The following NDUFA5 variants were observed in gnomAD, a reference collection of about 807,000 sequenced individuals.
The protein encoded by NDUFA5 is NADH dehydrogenase [ubiquinone] 1 alpha subcomplex subunit 5.
Under a neutral mutation model 19.8 loss-of-function variants are expected in NDUFA5, and 11 were observed. That is an observed-to-expected ratio of 0.56 (90% CI 0.35 to 0.92). The LOEUF is 0.92. Ranked by LOEUF, NDUFA5 falls within the 40% of genes least tolerant of loss-of-function variation. NDUFA5 has a pLI of 0.01. For synonymous variants in NDUFA5, 47 were observed against 46.8 expected (o/e 1.00, Z -0.01); for missense variants, 109 against 134.2 (o/e 0.81, Z 0.93).
chr7:123,566,383 A>G, the NDUFA5 span, among the ~76,000 whole-genome samples: 4 of 152,192 alleles, frequency 2.6e-5, no homozygotes, highest in Admixed American at 2.6e-4. Context: ...TCTGTTGGTT[A>G]AGCCACTCAA....
upstream of NDUFA5, among the ~76,000 whole-genome samples, chr7:123,562,090 C>T (rs945977446): frequency 1.3e-5 from 2 of 152,130 alleles, no homozygotes; most frequent in Admixed American, 1.3e-4. Context: ...ATGACTGCAG[C>T]ATGTTGTGCG....
At chr7:123,571,541 T>C in the NDUFA5 span, among the ~76,000 whole-genome samples, 1 of 152,326 alleles carries the variant, frequency 6.6e-6, no homozygotes, top group Non-Finnish European at 1.5e-5. Context: ...TATCTTTTTA[T>C]TTGTAGATAA....
chr7:123,578,581 TA>T, the NDUFA5 span, among the ~76,000 whole-genome samples: 1 of 152,012 alleles, frequency 6.6e-6, no homozygotes, highest in Non-Finnish European at 1.5e-5. Flanking sequence ...ACCAGACTGA[TA>T]TTTTTCCTTA....
chr7:123,547,312 A>G (rs1365041261), intron 3 of NDUFA5, among the ~76,000 whole-genome samples: 1 of 152,068 alleles, frequency 6.6e-6, no homozygotes, highest in Non-Finnish European at 1.5e-5. Flanking sequence ...TATCCCCACC[A>G]TGGCACACAT....
At chr7:123,565,229 C>G in the NDUFA5 span, among the ~76,000 whole-genome samples, 2 of 152,196 alleles carry the variant, frequency 1.3e-5, no homozygotes, top group African/African-American at 4.8e-5. Flanking sequence ...TCTTCTGTCT[C>G]TTTGTTCAAG....
chr7:123,596,745 A>G, the NDUFA5 span, among the ~76,000 whole-genome samples: 1 of 152,224 alleles, frequency 6.6e-6, no homozygotes, highest in African/African-American at 2.4e-5. Flanking sequence ...GCTTTTTACA[A>G]TCAAATATTA....
the NDUFA5 span, among the ~76,000 whole-genome samples, chr7:123,580,143 T>C: frequency 6.6e-6 from 1 of 151,952 alleles, no homozygotes; most frequent in Non-Finnish European, 1.5e-5. Flanking sequence ...GGATTTCTAC[T>C]GAAGGAAATG....
At chr7:123,584,805 C>T in the NDUFA5 span, 5 of 151,834 alleles carry the variant, frequency 3.3e-5, no homozygotes, top group African/African-American at 4.8e-5. Context: ...TTCAGTAAAA[C>T]TATGAAACTT....
At chr7:123,571,517 T>C in the NDUFA5 span, among the ~76,000 whole-genome samples, 1 of 152,178 alleles carries the variant, frequency 6.6e-6, no homozygotes, top group Non-Finnish European at 1.5e-5. Flanking sequence ...GAAAATATGA[T>C]TTTTAATCCA....
chr7:123,586,189 C>T, the NDUFA5 span, among the ~76,000 whole-genome samples: 2 of 151,808 alleles, frequency 1.3e-5, no homozygotes, highest in Admixed American at 6.6e-5. Flanking sequence ...ATTTACTTTC[C>T]TACCAAGAGT....
At chr7:123,555,254 GA>G (rs377512690) in intron 2 of NDUFA5, 2 of 152,320 alleles carry the variant, frequency 1.3e-5, no homozygotes, top group African/African-American at 4.8e-5. Flanking sequence ...CATATGATTA[GA>G]TTAGGAAAAT....
At chr7:123,572,581 A>G in the NDUFA5 span, among the ~76,000 whole-genome samples, 1 of 151,526 alleles carries the variant, frequency 6.6e-6, no homozygotes, top group Non-Finnish European at 1.5e-5. Context: ...TGTTCCTTAT[A>G]TTGTTATAAT....
chr7:123,600,815 C>T, the NDUFA5 span, among the ~76,000 whole-genome samples: 1 of 152,052 alleles, frequency 6.6e-6, no homozygotes, highest in Non-Finnish European at 1.5e-5. Context: ...CTACAATCCA[C>T]GTATTTATAT....
At chr7:123,595,082 A>C in the NDUFA5 span, among the ~76,000 whole-genome samples, 34 of 152,312 alleles carry the variant, frequency 2.2e-4, no homozygotes, top group South Asian at 6.8e-3. Flanking sequence ...AGCAGCAAGC[A>C]AGGCTCCGTG....
At chr7:123,545,713 A>AGTTAGTATGCTT in intron 3 of NDUFA5, 37 bp from the exon 4 acceptor site, 3 of 1,401,020 alleles carry the variant, frequency 2.1e-6, no homozygotes, top group Non-Finnish European at 3.0e-6. Context: ...AAAGAAGCAT[A>AGTTAGTATGCTT]CTAACTGAAT....
chr7:123,591,155 C>CTGAGACTTTGCTGAAGT, the NDUFA5 span, among the ~76,000 whole-genome samples: 926 of 152,202 alleles, frequency 6.1e-3, 7 homozygotes, highest in African/African-American at 0.021. Context: ...ATTTTGTATC[C>CTGAGACTTTGCTGAAGT]TGAGACTTTG....
chr7:123,554,692 TTTC>T (rs1798476650), intron 2 of NDUFA5: 1 of 152,216 alleles, frequency 6.6e-6, no homozygotes, highest in Admixed American at 6.6e-5. Context: ...TTTTTTTTTT[TTTC>T]TTTTTTGAGA....
At chr7:123,584,557 T>C in the NDUFA5 span, among the ~76,000 whole-genome samples, 1 of 151,952 alleles carries the variant, frequency 6.6e-6, no homozygotes, top group Non-Finnish European at 1.5e-5. Context: ...TAGATTAGTA[T>C]AATATTTCTT....
the NDUFA5 span, among the ~76,000 whole-genome samples, chr7:123,583,863 C>A: frequency 6.6e-6 from 1 of 151,754 alleles, no homozygotes; most frequent in Admixed American, 6.6e-5. Context: ...AAAAACCAAA[C>A]CTAAAGTTTG....
Sources: allele counts gnomAD v4.1 joint callset (sites outside exome capture counted in the v4.1 genomes callset), GRCh38; gene constraint gnomAD v4.1.1; transcripts MANE v1.5; gene names NCBI Gene and HGNC (gene_info 2026-07-23, HGNC 2026-07-21).